Variants in HK2 observed in about 807,000 individuals in gnomAD.
HK2 encodes hexokinase-2.
In HK2, 42 loss-of-function variants were observed where a neutral mutation model predicts 92.9. The ratio of observed to expected loss-of-function variants is 0.45; its 90% confidence interval spans 0.35 to 0.58. HK2 has a LOEUF of 0.58. Among genes scored for constraint, HK2 ranks in the 20% least tolerant of loss-of-function variants. The pLI, the probability that HK2 is intolerant of heterozygous loss-of-function variation, is 0.00. For missense variants in HK2, 978 were observed against 1,245.1 expected (o/e 0.79, Z 3.23); for synonymous variants, 422 against 468.0 (o/e 0.90, Z 1.27).
intron 1 of HK2, among the ~76,000 whole-genome samples, chr2:74,841,671 G>A (rs930085627): frequency 1.3e-5 from 2 of 152,168 alleles, no homozygotes; most frequent in Non-Finnish European, 2.9e-5. Flanking sequence ...CCTTGCTGGG[G>A]GGCAGGTTTC....
intron 13 of HK2, among the ~76,000 whole-genome samples, chr2:74,885,973 T>C (rs111731579): frequency 0.01 from 1,522 of 151,976 alleles, 26 homozygotes; most frequent in African/African-American, 0.035. Flanking sequence ...TTCTTGATTA[T>C]ATGCTAAACA....
At chr2:74,835,912 G>A (rs1309240291) in intron 1 of HK2, among the ~76,000 whole-genome samples, 1 of 152,152 alleles carries the variant, frequency 6.6e-6, no homozygotes, top group Admixed American at 6.5e-5. Flanking sequence ...GGTCCCGAGG[G>A]CATAGGAGGC....
At chr2:74,845,762 G>A (rs545802832) in intron 1 of HK2, among the ~76,000 whole-genome samples, 1 of 152,320 alleles carries the variant, frequency 6.6e-6, no homozygotes, top group South Asian at 2.1e-4. Flanking sequence ...TTCGGTTCAT[G>A]GGCTTTCAGA....
Position 74,880,335 on chromosome 2 carries a change from G to A in HK2, c.1336G>A (p.Glu446Lys), listed in dbSNP as rs939534681. The change falls in exon 10 of 18, where the codon GAG becomes AAG. Residue 446 changes from glutamate (E) to lysine (K), a missense_variant. By Grantham distance (56) the Glu-to-Lys change is moderately conservative. Transcript: ENST00000290573. Reference protein sequence around the residue: ...PGCDVRFLRSEDGSGKGAAMV... With the variant: ...PGCDVRFLRSKDGSGKGAAMV... ...CTGCGATGTCCGCTTCCTCCGCTCC[G>A]AGGATGGCAGTGGCAAAGGTGCAGC... is the stretch of plus-strand genomic sequence containing the variant. The A allele has an allele frequency of 1.9e-6, 3 of 1,614,220 alleles. No homozygotes were observed. The highest frequency in any genetic ancestry group is 1.7e-6 in the Non-Finnish European group (2 of 1,180,044).
chr2:74,868,488 G>C (rs185883904), intron 3 of HK2, among the ~76,000 whole-genome samples: 73 of 152,022 alleles, frequency 4.8e-4, no homozygotes, highest in African/African-American at 1.7e-3. Flanking sequence ...GATAGTGTAC[G>C]GATTGTGGTG....
chr2:74,872,366 C>G lies in HK2; in HGVS notation c.442C>G (p.Leu148Val). ...MDKLQIKDKK[L>V]PLGFTFSFPC... The stretch of plus-strand genomic sequence containing the variant: ...TAAGCTACAAATCAAAGACAAGAAG[C>G]TCCCACTGGGTTTTACCTTCTCGTT... Residue 148 changes from leucine (L) to valine (V), a missense_variant, in exon 4 of 18, where the codon CTC becomes GTC. This residue lies in a region of HK2 where 189 missense variants were observed against 289.5 expected (regional missense o/e 0.65). Coordinates refer to ENST00000290573, the MANE Select transcript of HK2 (RefSeq NM_000189.5). 1 of 1,614,064 alleles carries G rather than the reference C, an allele frequency of 6.2e-7. No individual in the cohort carries two copies. Among genetic ancestry groups the G allele is most frequent in the Non-Finnish European group, 8.5e-7 (1 of 1,179,932 alleles).
At chr2:74,874,001 G>A in intron 6 of HK2, 58 bp downstream of exon 6, 2 of 1,337,900 alleles carry the variant, frequency 1.5e-6, no homozygotes, top group Non-Finnish European at 1.1e-6. Flanking sequence ...GGTGTGGGCT[G>A]GAAAGGGAGA....
In HK2 at chr2:74,893,063, G is replaced by A. The variant is rs1375528379; in HGVS notation, c.*2122G>A. 5 of 149,572 alleles carry A rather than the reference G, an allele frequency of 3.3e-5. No homozygotes were observed. The highest frequency in any genetic ancestry group is 1.9e-4 in the East Asian group (1 of 5,130). 9.3% of individuals were successfully genotyped at this position (149,572 alleles called of 1,614,324 possible). A position where few individuals can be genotyped will look rare whatever the true frequency, so the allele number is the denominator to read the frequency against. On this transcript the variant is annotated 3_prime_UTR_variant, in exon 18 of 18. Transcript: ENST00000290573. ...TTTTTTTTTTTAAAGGTAGAGATGT[G>A]TGTGTGTGTAGGTATTAAAGATGTG...
chr2:74,881,099 G>A (rs1251749937), intron 10 of HK2, among the ~76,000 whole-genome samples: 1 of 152,184 alleles, frequency 6.6e-6, no homozygotes, highest in East Asian at 1.9e-4. Context: ...CCATGCGTCT[G>A]CACGTTGCTT....
At position 74,874,384 on chromosome 2, in the gene HK2, C is replaced by G. The variant is rs747257472; in HGVS notation, c.810C>G (p.Leu270=). The change falls in exon 7 of 18, where the codon CTC becomes CTG. Residue 270 remains leucine (L), a synonymous_variant. Transcript: ENST00000290573. ...EWGAFGDDGS[L]NDIRTEFDQE... The stretch of plus-strand genomic sequence containing the variant: ...GGGCCTTCGGGGACGATGGCTCGCT[C>G]AACGACATTCGCACTGAGTTTGACC... The G allele has an allele frequency of 1.3e-5, 21 of 1,613,536 alleles. No homozygotes were observed. Among genetic ancestry groups the G allele is most frequent in the Non-Finnish European group, 1.8e-5 (21 of 1,179,794 alleles).
chr2:74,868,162 G>T (rs184446321), intron 3 of HK2, among the ~76,000 whole-genome samples: 2 of 152,166 alleles, frequency 1.3e-5, no homozygotes, highest in South Asian at 2.1e-4. Flanking sequence ...AGTAGAACAC[G>T]CTGGGGAGAT....
At chr2:74,868,686 C>T (rs1157091935) in intron 3 of HK2, among the ~76,000 whole-genome samples, 5 of 152,102 alleles carry the variant, frequency 3.3e-5, no homozygotes, top group African/African-American at 9.7e-5. Flanking sequence ...CTTCCCGTTG[C>T]CTCGATCTCC....
rs1418019964 is a variant in HK2, at chr2:74,834,127, A to G, written c.-454A>G. ...CGGGCCGGCAGCCCCTCAATAAGCC[A>G]CATTGTTGCATGAAACTCCGGCGCA... On this transcript the variant is annotated 5_prime_UTR_variant, in exon 1 of 18. Coordinates refer to ENST00000290573, the MANE Select transcript of HK2 (RefSeq NM_000189.5). The surrounding 1 kb of genome is among the most constrained non-coding windows in gnomAD (Gnocchi z 4.2). 3.0e-6 allele frequency: 1 copy of G among 329,186 alleles called. No homozygotes were observed. Among genetic ancestry groups the G allele is most frequent in the Non-Finnish European group, 6.0e-6 (1 of 166,720 alleles). The allele number at this position is 329,186 out of a possible 1,614,324, so 20.4% of individuals were successfully genotyped here.
At chr2:74,878,467 G>A (rs559584279) in intron 8 of HK2, among the ~76,000 whole-genome samples, 2 of 152,000 alleles carry the variant, frequency 1.3e-5, no homozygotes, top group Non-Finnish European at 1.5e-5. Flanking sequence ...GCGTGTGTGT[G>A]TGGTGTCTGG....
chr2:74,840,904 A>AAAAAAAAAAAG (rs869156790), intron 1 of HK2, among the ~76,000 whole-genome samples: 2 of 113,968 alleles, frequency 1.8e-5, no homozygotes, highest in African/African-American at 7.1e-5. Flanking sequence ...AAAAAAAAAA[A>AAAAAAAAAAAG]GCTGTGGGGG....
chr2:74,851,579 G>A (rs1205753279), intron 1 of HK2, among the ~76,000 whole-genome samples: 1 of 152,184 alleles, frequency 6.6e-6, no homozygotes, highest in Non-Finnish European at 1.5e-5. Context: ...CATGATGATA[G>A]GACCATTTAA....
intron 5 of HK2, 98 bp from the exon 6 acceptor site, chr2:74,873,746 A>AAGGAGGAGGAGGAGGAGG: frequency 2.7e-6 from 2 of 735,228 alleles, no homozygotes; most frequent in Non-Finnish European, 4.9e-6. Flanking sequence ...AGAGAGAGAG[A>AAGGAGGAGGAGGAGGAGG]AGGAGGAGGA....
chr2:74,856,718 G>T (rs1334507681), intron 2 of HK2, among the ~76,000 whole-genome samples: 2 of 152,178 alleles, frequency 1.3e-5, no homozygotes, highest in African/African-American at 4.8e-5. Flanking sequence ...GGAATTTGAG[G>T]TTCAAATGTC....
At chr2:74,851,669 G>A (rs1205277017) in intron 1 of HK2, among the ~76,000 whole-genome samples, 1 of 152,158 alleles carries the variant, frequency 6.6e-6, no homozygotes, top group Non-Finnish European at 1.5e-5. Flanking sequence ...ATAGAGGGTG[G>A]AGGTGGGGCG....
Sources: gnomAD v4.1 joint callset for allele counts (sites outside exome capture counted in the v4.1 genomes callset) on GRCh38, gnomAD v4.1.1 for gene constraint, gnomAD v4.1.1 regional missense constraint, Gnocchi (gnomAD v3.1) non-coding constraint, MANE v1.5 for transcripts, NCBI Gene and HGNC (gene_info 2026-07-23, HGNC 2026-07-21) for gene names.